The following TNNT1 variants were observed in gnomAD, a reference collection of about 807,000 sequenced individuals.
TNNT1 encodes troponin T, slow skeletal muscle.
A neutral mutation model predicts 50.6 loss-of-function variants in TNNT1; 53 were observed. The observed-to-expected ratio is 1.05, with a 90% CI of 0.84 to 1.32. The LOEUF (loss-of-function observed/expected upper bound fraction) is 1.32, where lower values mean the gene tolerates loss of function less well. TNNT1 is among the 40% of genes most tolerant of loss of function. The pLI is 0.00. For synonymous variants in TNNT1, 142 were observed against 138.0 expected (o/e 1.03, Z -0.20); for missense variants, 348 against 381.7 (o/e 0.91, Z 0.74).
chr19:55,135,810 C>A (rs990599283), intron 11 of TNNT1, among the ~76,000 whole-genome samples: 5 of 152,130 alleles, frequency 3.3e-5, no homozygotes, highest in Non-Finnish European at 7.3e-5. Flanking sequence ...TGTGAGCCGC[C>A]GCGCCCGCCC....
chr19:55,133,919 C>T lies in TNNT1; in HGVS notation c.759G>A (p.Val253=). 6.2e-7 allele frequency: 1 copy of T among 1,613,716 alleles called. No individual in the cohort carries two copies. The highest frequency in any genetic ancestry group is 8.5e-7 in the Non-Finnish European group (1 of 1,180,030). ...GGGCGTGGCTGATGCGGTTGTACAGCACGTTGATCTGCGGAGGCAGAAGAC... is the reference window on the plus strand; with the variant it reads ...GGGCGTGGCTGATGCGGTTGTACAGTACGTTGATCTGCGGAGGCAGAAGAC... ...KLKQQKYEIN[V]LYNRISHAQK... Residue 253 remains valine, a synonymous_variant, in exon 13 of 14, where the codon GTG becomes GTA. Coordinates refer to ENST00000588981, the MANE Select transcript of TNNT1 (RefSeq NM_003283.6).
intron 3 of TNNT1, 123 bp from the exon 4 acceptor site, chr19:55,146,830 A>T (rs2085564923): frequency 8.6e-7 from 1 of 1,168,244 alleles, no homozygotes. Flanking sequence ...TGCGATGGGC[A>T]CGTTCCCCCT....
chr19:55,138,187 G>C, intron 9 of TNNT1, 113 bp from the exon 10 acceptor site: 1 of 1,574,678 alleles, frequency 6.4e-7, no homozygotes, highest in Non-Finnish European at 8.6e-7. Flanking sequence ...CGCAGAGGCT[G>C]CTGGGACATC....
intron 6 of TNNT1, 129 bp from the exon 7 acceptor site, chr19:55,142,049 TGAGGC>T: frequency 1.2e-6 from 1 of 832,174 alleles, no homozygotes; most frequent in Non-Finnish European, 2.1e-6. Context: ...GGGTCCCAGC[TGAGGC>T]GGGCTGTCAG....
intron 13 of TNNT1, 97 bp downstream of exon 13, chr19:55,133,790 G>T: frequency 7.2e-7 from 1 of 1,397,450 alleles, no homozygotes; most frequent in Non-Finnish European, 1.0e-6. Flanking sequence ...CAGAAACTCA[G>T]GCAGTGGGGG....
chr19:55,141,505 C>T (rs1160300853), intron 7 of TNNT1, among the ~76,000 whole-genome samples: 1 of 143,872 alleles, frequency 7.0e-6, no homozygotes, highest in Non-Finnish European at 1.5e-5. Context: ...GGACCGGCGC[C>T]TTTTTTTTTT....
Position 55,141,646 on chromosome 19 carries a change from G to A in TNNT1, c.192+211C>T, listed in dbSNP as rs547034623. 1.6e-4 allele frequency among the ~76,000 whole-genome samples: 24 copies of A among 152,148 alleles called. No individual in the cohort carries two copies. In the East Asian group the frequency reaches 4.3e-3, roughly 27 times the overall value. On this transcript the variant is annotated intron_variant, in intron 7 of 13. Coordinates refer to ENST00000588981, the MANE Select transcript of TNNT1 (RefSeq NM_003283.6). ...TTACAGACACCTGCCACCACGCCCG[G>A]CTAATTTTTGTATTTTTAGTAGAGA...
At position 55,146,468 on chromosome 19, in the gene TNNT1, T is replaced by TGGGGA; in HGVS notation, c.74-7_74-3dup. On this transcript the variant is annotated splice_region_variant and splice_polypyrimidine_tract_variant and intron_variant, in intron 4 of 13. Transcript: ENST00000588981. ...CCACCGGCTCCGGCTCTTCGGGGGCTGGGGAGGGGAGGGAGGAGCAGCGAG... is the reference window on the plus strand; with the variant it reads ...CCACCGGCTCCGGCTCTTCGGGGGCTGGGGAGGGGAGGGGAGGGAGGAGCAGCGAG... 1 of 921,796 alleles carries TGGGGA rather than the reference T, an allele frequency of 1.1e-6. No individual in the cohort carries two copies. Among genetic ancestry groups the TGGGGA allele is most frequent in the Non-Finnish European group, 1.3e-6 (1 of 794,216 alleles). 57.1% of individuals were successfully genotyped at this position (921,796 alleles called of 1,614,324 possible). A position where few individuals can be genotyped will look rare whatever the true frequency, so the allele number is the denominator to read the frequency against.
rs1028967028 is a variant in TNNT1 at position 55,135,017 on chromosome 19, G to T, written c.612-813C>A. Among the ~76,000 whole-genome samples the T allele has an allele frequency of 5.3e-5, 8 of 152,126 alleles. No individual in the cohort carries two copies. The East Asian group carries it at 1.2e-3, about 22-fold the overall frequency. On this transcript the variant is annotated intron_variant, in intron 11 of 13. Coordinates refer to ENST00000588981, the MANE Select transcript of TNNT1 (RefSeq NM_003283.6). ...CTAGAAAATATGGAAATAAAACTGT[G>T]GAAGAGATGGCTGCTTGCCTACCTG...
In TNNT1 at chr19:55,145,561, C is replaced by T; in HGVS notation, c.111G>A (p.Glu37=). ...GATCTCACCTTGGTTTGGGGCGTTCCTCTTCTGTTGGTGGTGGGGGATAAA... is the reference window on the plus strand; with the variant it reads ...GATCTCACCTTGGTTTGGGGCGTTCTTCTTCTGTTGGTGGTGGGGGATAAA... The part of the protein sequence containing the change: ...EEPEPVAEPE[E]ERPKPSRPVV... Residue 37 remains glutamate, a synonymous_variant, in exon 6 of 14, where the codon GAG becomes GAA. Coordinates refer to ENST00000588981, the MANE Select transcript of TNNT1 (RefSeq NM_003283.6). 6.2e-7 allele frequency: 1 copy of T among 1,613,742 alleles called. No individual in the cohort carries two copies. The highest frequency in any genetic ancestry group is 1.1e-5 in the South Asian group (1 of 91,068).
At chr19:55,143,232 T>C (rs1290765563) in intron 6 of TNNT1, among the ~76,000 whole-genome samples, 1 of 151,018 alleles carries the variant, frequency 6.6e-6, no homozygotes, top group African/African-American at 2.4e-5. Flanking sequence ...ACTTCTGAGC[T>C]CAAGTGATCC....
At chr19:55,146,386 C>A in intron 5 of TNNT1, 48 bp downstream of exon 5, 1 of 1,334,612 alleles carries the variant, frequency 7.5e-7, no homozygotes. Context: ...TCGGGGGTCC[C>A]CCCGGGCCCC....
At chr19:55,142,332 A>G (rs1325575941) in intron 6 of TNNT1, among the ~76,000 whole-genome samples, 1 of 151,514 alleles carries the variant, frequency 6.6e-6, no homozygotes, top group Non-Finnish European at 1.5e-5. Context: ...TGTGTTAGCC[A>G]GGATGGTCTC....
chr19:55,136,580 C>T lies in TNNT1; in HGVS notation c.611+523G>A, dbSNP rs535966071. On this transcript the variant is annotated intron_variant, in intron 11 of 13. Coordinates refer to ENST00000588981, the MANE Select transcript of TNNT1 (RefSeq NM_003283.6). The stretch of plus-strand genomic sequence containing the variant: ...TCGGTGCAAGCGGCAAACCCGATCA[C>T]GGCGCCACTCTGGGGTGGTTGAAGT... Among the ~76,000 whole-genome samples, 9 of 152,320 alleles carry T rather than the reference C, an allele frequency of 5.9e-5. No individual in the cohort carries two copies. The East Asian group carries it at 1.2e-3, about 20-fold the overall frequency.
At position 55,133,074 on chromosome 19, in the gene TNNT1, G is replaced by A. The variant is rs891186; in HGVS notation, c.792-114C>T. Reference sequence around the variant, plus strand: ...CCAAAATATTAGCCCTCCCTGCCCAGAGGAAGCAGTGAGCAAAACAACTGT... The same window carrying A: ...CCAAAATATTAGCCCTCCCTGCCCAAAGGAAGCAGTGAGCAAAACAACTGT... On this transcript the variant is annotated intron_variant, in intron 13 of 13. Transcript: ENST00000588981. The A allele has an allele frequency of 0.26, 253,238 of 977,532 alleles. 35,289 individuals are homozygous for A. The highest frequency in any genetic ancestry group is 0.42 in the South Asian group (30,195 of 72,310). The allele number at this position is 977,532 out of a possible 1,614,324, so 60.6% of individuals were successfully genotyped here.
At chr19:55,148,259 C>T (rs2085617220) in intron 1 of TNNT1, among the ~76,000 whole-genome samples, 1 of 151,928 alleles carries the variant, frequency 6.6e-6, no homozygotes, top group Non-Finnish European at 1.5e-5. Context: ...GAGAATTAGT[C>T]ACCCGCATCC....
intron 11 of TNNT1, among the ~76,000 whole-genome samples, 158 bp downstream of exon 11, chr19:55,136,945 G>A (rs1270286609): frequency 1.3e-5 from 2 of 152,056 alleles, no homozygotes. Flanking sequence ...TCACAAAGAA[G>A]GCAGCAGAGG....
At position 55,149,042 on chromosome 19, in the gene TNNT1, G is replaced by C. The variant is rs561996525; in HGVS notation, c.-12+119C>G. 1.7e-5 allele frequency: 7 copies of C among 418,820 alleles called. No individual in the cohort carries two copies. In the Admixed American group the frequency reaches 1.8e-4, roughly 11 times the overall value. The allele number at this position is 418,820 out of a possible 1,614,324, so 25.9% of individuals were successfully genotyped here. A position where few individuals can be genotyped will look rare whatever the true frequency, so the allele number is the denominator to read the frequency against. ...CTCTCAAGTTCCCAGACCTCCAGTT[G>C]TATGCCCCACCTACCTCTGCACCAT... On this transcript the variant is annotated intron_variant, in intron 1 of 13. Transcript: ENST00000588981.
At chr19:55,147,240 A>G (rs1399200836) in intron 1 of TNNT1, 72 bp from the exon 2 acceptor site, 3 of 1,472,336 alleles carry the variant, frequency 2.0e-6, no homozygotes, top group Non-Finnish European at 2.8e-6. Flanking sequence ...CCTGGGTGTG[A>G]GGGAGGAGGG....
Sources: gnomAD v4.1 joint callset for allele counts (sites outside exome capture counted in the v4.1 genomes callset) on GRCh38, gnomAD v4.1.1 for gene constraint, MANE v1.5 for transcripts, NCBI Gene and HGNC (gene_info 2026-07-23, HGNC 2026-07-21) for gene names.